PRKCB: variants seen among roughly 807,000 people sequenced by gnomAD.
The protein encoded by PRKCB is protein kinase C beta type.
A neutral mutation model predicts 81.5 loss-of-function variants in PRKCB; 13 were observed. The observed-to-expected ratio is 0.16, with a 90% CI of 0.10 to 0.25. The LOEUF is 0.25. Ranked by LOEUF, PRKCB falls within the 10% of genes least tolerant of loss-of-function variation. The pLI, the probability that PRKCB is intolerant of heterozygous loss-of-function variation, is 1.00. For missense variants in PRKCB, 509 were observed against 875.7 expected (o/e 0.58, Z 5.29); for synonymous variants, 335 against 321.4 (o/e 1.04, Z -0.45).
Position 23,917,402 on chromosome 16 carries a change from C to T in PRKCB, c.206-71106C>T, listed in dbSNP as rs186004928. Among the ~76,000 whole-genome samples the T allele has an allele frequency of 6.5e-4, 99 of 152,316 alleles. No homozygotes were observed. In the South Asian group the frequency reaches 0.012, roughly 18 times the overall value. Reference sequence around the variant, plus strand: ...ACCTCATTCTGTTTTATGATTGCATCGTGGTCCATAGTATGGGCATCCCTG... The same window carrying T: ...ACCTCATTCTGTTTTATGATTGCATTGTGGTCCATAGTATGGGCATCCCTG... On this transcript the variant is annotated intron_variant, in intron 2 of 16. Transcript: ENST00000643927.
intron 5 of PRKCB, among the ~76,000 whole-genome samples, chr16:24,068,360 T>C (rs1258316814): frequency 6.6e-6 from 1 of 152,146 alleles, no homozygotes; most frequent in Non-Finnish European, 1.5e-5. Flanking sequence ...GAAGCTTTGA[T>C]TCCTAGCCCC....
At chr16:23,958,011 A>G (rs1964373119) in intron 2 of PRKCB, among the ~76,000 whole-genome samples, 1 of 152,226 alleles carries the variant, frequency 6.6e-6, no homozygotes, top group Non-Finnish European at 1.5e-5. Flanking sequence ...TTAATATATG[A>G]GACAGAATCT....
At chr16:23,955,819 C>T (rs1385797830) in intron 2 of PRKCB, among the ~76,000 whole-genome samples, 4 of 152,160 alleles carry the variant, frequency 2.6e-5, no homozygotes, top group African/African-American at 9.7e-5. Context: ...AGCAGAAAGG[C>T]ATTTTCCTTT....
chr16:23,895,335 A>C (rs12103094), intron 2 of PRKCB, among the ~76,000 whole-genome samples: 7,156 of 152,072 alleles, frequency 0.047, 230 homozygotes, highest in South Asian at 0.087. Flanking sequence ...TTCCCCTCAA[A>C]CAACCACCTC....
intron 5 of PRKCB, among the ~76,000 whole-genome samples, chr16:24,067,898 C>A (rs879437881): frequency 8.6e-5 from 12 of 139,132 alleles, no homozygotes; most frequent in Non-Finnish European, 1.5e-4. Flanking sequence ...ACCTGGGAGG[C>A]GGAGGTTACA....
chr16:24,026,459 G>A (rs556315092), intron 3 of PRKCB, among the ~76,000 whole-genome samples: 57 of 152,240 alleles, frequency 3.7e-4, no homozygotes, highest in African/African-American at 1.3e-3. Flanking sequence ...CTTGGAGATC[G>A]CTCAAGAAAA....
intron 9 of PRKCB, among the ~76,000 whole-genome samples, chr16:24,132,778 T>A (rs1966855284): frequency 9.1e-6 from 1 of 110,124 alleles, no homozygotes; most frequent in East Asian, 2.4e-4. Context: ...GGGCTTTTTT[T>A]TTTTTTTTTT....
At position 24,215,728 on chromosome 16, in the gene PRKCB, A is replaced by G; in HGVS notation, c.*912A>G. ...TATTCAAATGTTATTAACCACAATG[A>G]CGACCTGCTTTGATTTAACCAAGAA... On this transcript the variant is annotated 3_prime_UTR_variant, in exon 17 of 17. Coordinates refer to ENST00000643927, the MANE Select transcript of PRKCB (RefSeq NM_002738.7). 1.0e-6 allele frequency: 1 copy of G among 985,784 alleles called. No individual in the cohort carries two copies. Among genetic ancestry groups the G allele is most frequent in the Non-Finnish European group, 1.2e-6 (1 of 829,862 alleles). 61.1% of individuals were successfully genotyped at this position (985,784 alleles called of 1,614,324 possible). A position where few individuals can be genotyped will look rare whatever the true frequency, so the allele number is the denominator to read the frequency against.
chr16:23,908,532 T>C (rs568376306), intron 2 of PRKCB, among the ~76,000 whole-genome samples: 1 of 152,150 alleles, frequency 6.6e-6, no homozygotes, highest in African/African-American at 2.4e-5. Context: ...GGGCTTTCCC[T>C]TTATTTCTTT....
At chr16:24,153,342 A>G (rs1967106952) in intron 9 of PRKCB, among the ~76,000 whole-genome samples, 1 of 152,204 alleles carries the variant, frequency 6.6e-6, no homozygotes, top group African/African-American at 2.4e-5. Flanking sequence ...CTATGATGTT[A>G]TGCAATACAA....
intron 3 of PRKCB, among the ~76,000 whole-genome samples, chr16:23,993,597 T>C (rs1330963262): frequency 6.6e-6 from 1 of 152,214 alleles, no homozygotes; most frequent in Non-Finnish European, 1.5e-5. Flanking sequence ...CCCAGCGTCC[T>C]TTAAGAGCTC....
At chr16:24,208,759 C>T (rs1968086296) in intron 16 of PRKCB, among the ~76,000 whole-genome samples, 1 of 152,312 alleles carries the variant, frequency 6.6e-6, no homozygotes. Flanking sequence ...CTGATCTGGG[C>T]TGTGTCTCCC....
chr16:23,886,814 C>A (rs1029283523), intron 2 of PRKCB, among the ~76,000 whole-genome samples: 6 of 152,096 alleles, frequency 3.9e-5, no homozygotes, highest in Non-Finnish European at 8.8e-5. Context: ...CTATCTGTCC[C>A]CTTCATCTCT....
At chr16:24,130,104 T>G (rs1024267550) in intron 9 of PRKCB, among the ~76,000 whole-genome samples, 2 of 152,196 alleles carry the variant, frequency 1.3e-5, no homozygotes, top group African/African-American at 4.8e-5. Flanking sequence ...GCACTTTACA[T>G]TCAGCATGTA....
chr16:23,941,212 C>T (rs1208016816), intron 2 of PRKCB, among the ~76,000 whole-genome samples: 9 of 152,096 alleles, frequency 5.9e-5, no homozygotes, highest in South Asian at 2.1e-4. Flanking sequence ...GGCTGTGTTC[C>T]AATAAATCTT....
At chr16:23,844,314 A>G (rs1437509606) in intron 2 of PRKCB, among the ~76,000 whole-genome samples, 1 of 152,208 alleles carries the variant, frequency 6.6e-6, no homozygotes, top group Non-Finnish European at 1.5e-5. Context: ...CAACATCCAC[A>G]GTGTTTACAT....
intron 12 of PRKCB, among the ~76,000 whole-genome samples, chr16:24,180,565 CA>C (rs1228340616): frequency 1.3e-5 from 2 of 152,080 alleles, no homozygotes; most frequent in African/African-American, 4.8e-5. Flanking sequence ...CCTTGTGAGA[CA>C]CTTGGCACAG....
chr16:24,199,471 G>T (rs1967924919), intron 16 of PRKCB, among the ~76,000 whole-genome samples: 1 of 152,082 alleles, frequency 6.6e-6, no homozygotes, highest in African/African-American at 2.4e-5. Flanking sequence ...TGTAACCTTT[G>T]TATGTTTGCT....
chr16:23,918,386 A>T lies in PRKCB; in HGVS notation c.206-70122A>T, dbSNP rs796080339. 7.4e-3 allele frequency among the ~76,000 whole-genome samples: 610 copies of T among 82,316 alleles called. 3 individuals carry two copies. Among genetic ancestry groups the T allele is most frequent in the Non-Finnish European group, 0.012 (471 of 39,116 alleles). 54.0% of individuals were successfully genotyped at this position (82,316 alleles called of 152,430 possible). On this transcript the variant is annotated intron_variant, in intron 2 of 16. Coordinates refer to ENST00000643927, the MANE Select transcript of PRKCB (RefSeq NM_002738.7). ...TTGTTCTTTGTGTTACCTTTTTATT[A>T]TTATTATTATTATTATTTTTTTTTT...
Sources: allele counts gnomAD v4.1 joint callset (sites outside exome capture counted in the v4.1 genomes callset), GRCh38; gene constraint gnomAD v4.1.1; transcripts MANE v1.5; gene names NCBI Gene and HGNC (gene_info 2026-07-23, HGNC 2026-07-21).